DYM: variants seen among roughly 807,000 people sequenced by gnomAD.
DYM encodes dyggve-Melchior-Clausen syndrome protein.
DYM carries 78 observed loss-of-function variants against 93.1 expected under a neutral mutation model. The observed-to-expected ratio is 0.84, with a 90% CI of 0.70 to 1.01. The LOEUF (loss-of-function observed/expected upper bound fraction) is 1.01. Ranked by LOEUF, DYM falls within the 50% of genes least tolerant of loss-of-function variation. The pLI, the probability that DYM is intolerant of heterozygous loss-of-function variation, is 0.00. For synonymous variants in DYM, 321 were observed against 319.7 expected (o/e 1.00, Z -0.04); for missense variants, 789 against 845.0 (o/e 0.93, Z 0.82).
chr18:49,245,502 C>T (rs1156513143), intron 13 of DYM, among the ~76,000 whole-genome samples: 6 of 152,110 alleles, frequency 3.9e-5, no homozygotes, highest in South Asian at 2.1e-4. Flanking sequence ...TGTCTTATGC[C>T]GTTGAGATAA....
chr18:49,176,704 T>C (rs2089424092), intron 14 of DYM, among the ~76,000 whole-genome samples: 1 of 151,312 alleles, frequency 6.6e-6, no homozygotes, highest in South Asian at 2.1e-4. Context: ...TGTGAGCCAC[T>C]GTGCTTGGCT....
chr18:49,044,282 C>CTGTGGTG, intron 17 of DYM, 78 bp from the exon 18 acceptor site: 1 of 1,559,668 alleles, frequency 6.4e-7, no homozygotes, highest in Non-Finnish European at 8.8e-7. Flanking sequence ...GCAGGTGGTG[C>CTGTGGTG]TGTGGTGTGC....
intron 8 of DYM, among the ~76,000 whole-genome samples, chr18:49,317,061 T>C (rs1435677143): frequency 5.3e-5 from 8 of 152,174 alleles, no homozygotes; most frequent in Admixed American, 2.0e-4. Flanking sequence ...TGGACTTTAG[T>C]CCAAAATAAT....
intron 8 of DYM, among the ~76,000 whole-genome samples, chr18:49,316,722 C>T (rs1394422599): frequency 1.3e-5 from 2 of 152,138 alleles, no homozygotes; most frequent in Non-Finnish European, 2.9e-5. Flanking sequence ...ATCTTCTCCT[C>T]CCCCTGAACC....
chr18:49,149,212 T>G (rs2085525489), intron 15 of DYM, among the ~76,000 whole-genome samples: 1 of 151,928 alleles, frequency 6.6e-6, no homozygotes, highest in Non-Finnish European at 1.5e-5. Context: ...GGTAATGGAG[T>G]GACGGGGAGA....
At chr18:49,173,780 CTAAA>C (rs1485556810) in intron 14 of DYM, among the ~76,000 whole-genome samples, 1 of 151,962 alleles carries the variant, frequency 6.6e-6, no homozygotes, top group Non-Finnish European at 1.5e-5. Context: ...GTGCAAATAG[CTAAA>C]TAGTTAATAA....
At chr18:49,305,633 A>T (rs1387619696) in intron 8 of DYM, among the ~76,000 whole-genome samples, 1 of 152,234 alleles carries the variant, frequency 6.6e-6, no homozygotes, top group Non-Finnish European at 1.5e-5. Context: ...ATAAAATGTA[A>T]GCTCAATGAA....
At chr18:49,300,420 T>C (rs1022616944) in intron 8 of DYM, among the ~76,000 whole-genome samples, 3 of 151,862 alleles carry the variant, frequency 2.0e-5, no homozygotes, top group Non-Finnish European at 4.4e-5. Flanking sequence ...GGCAACATAG[T>C]GAAACCTCAT....
At chr18:49,344,565 C>T (rs1166438670) in intron 6 of DYM, among the ~76,000 whole-genome samples, 6 of 152,068 alleles carry the variant, frequency 3.9e-5, no homozygotes, top group Admixed American at 6.5e-5. Context: ...TTATCTCTCC[C>T]GTGAGAAATC....
chr18:49,387,833 T>C (rs1182089375), intron 3 of DYM, among the ~76,000 whole-genome samples: 1 of 152,276 alleles, frequency 6.6e-6, no homozygotes, highest in Admixed American at 6.5e-5. Context: ...ACAATATCTC[T>C]GGGGTATACC....
intron 14 of DYM, among the ~76,000 whole-genome samples, chr18:49,168,365 A>G (rs747579223): frequency 2.6e-5 from 4 of 152,232 alleles, no homozygotes; most frequent in Non-Finnish European, 4.4e-5. Flanking sequence ...AAATCTGATA[A>G]AAAGAACATG....
At chr18:49,302,199 C>T (rs1416308245) in intron 8 of DYM, among the ~76,000 whole-genome samples, 1 of 152,194 alleles carries the variant, frequency 6.6e-6, no homozygotes, top group Non-Finnish European at 1.5e-5. Flanking sequence ...AACTGCTCTT[C>T]TATCCATTAC....
intron 5 of DYM, among the ~76,000 whole-genome samples, chr18:49,369,067 C>T (rs919187650): frequency 3.9e-5 from 6 of 152,210 alleles, no homozygotes; most frequent in Non-Finnish European, 5.9e-5. Context: ...TGGAGGGTTT[C>T]GGGCTGCTTC....
At chr18:49,079,571 C>T (rs966491181) in intron 17 of DYM, among the ~76,000 whole-genome samples, 2 of 151,674 alleles carry the variant, frequency 1.3e-5, no homozygotes, top group African/African-American at 4.8e-5. Flanking sequence ...GTGTTTGTGT[C>T]CCTGGGTACT....
rs531427171 is a variant in DYM at position 49,396,263 on chromosome 18, A to G, written c.141-4618T>C. ...GTTAGGAAAGTAAATTAGTACAGCC[A>G]TTAAGGACAACAGTAGGGAGGTTTT... On this transcript the variant is annotated intron_variant, in intron 2 of 17. Coordinates refer to ENST00000675505, the MANE Select transcript of DYM (RefSeq NM_001353214.3). 4.5e-4 allele frequency among the ~76,000 whole-genome samples: 69 copies of G among 152,350 alleles called. 1 individual carries two copies. Among genetic ancestry groups the G allele is most frequent in the Middle Eastern group, 3.4e-3 (1 of 294 alleles).
At chr18:49,332,570 G>A (rs1195023050) in intron 7 of DYM, among the ~76,000 whole-genome samples, 2 of 152,156 alleles carry the variant, frequency 1.3e-5, no homozygotes, top group Non-Finnish European at 2.9e-5. Context: ...CACTTTTTAA[G>A]TATGAAATTA....
chr18:49,309,824 A>C (rs1397044802), intron 8 of DYM, among the ~76,000 whole-genome samples: 1 of 152,244 alleles, frequency 6.6e-6, no homozygotes, highest in African/African-American at 2.4e-5. Context: ...GTTAAGAAAC[A>C]CTGGCCAACA....
At chr18:49,289,772 T>TACACATATATATATATATACAC (rs2059975757) in intron 8 of DYM, among the ~76,000 whole-genome samples, 1 of 36,640 alleles carries the variant, frequency 2.7e-5, no homozygotes, top group African/African-American at 1.3e-4. Flanking sequence ...TATATATATA[T>TACACATATATATATATATACAC]ACACATATAT....
chr18:49,050,641 C>T (rs1296118760), intron 17 of DYM, among the ~76,000 whole-genome samples: 2 of 151,954 alleles, frequency 1.3e-5, no homozygotes, highest in Non-Finnish European at 2.9e-5. Context: ...TCACAGACAG[C>T]CCAGTAGGAA....
Sources: allele counts gnomAD v4.1 joint callset (sites outside exome capture counted in the v4.1 genomes callset), GRCh38; gene constraint gnomAD v4.1.1; transcripts MANE v1.5; gene names NCBI Gene and HGNC (gene_info 2026-07-23, HGNC 2026-07-21).